The following CRADD variants were observed in gnomAD, a reference collection of about 807,000 sequenced individuals.
The protein encoded by CRADD is CARD and death domain containing adaptor protein, also known as death domain-containing protein CRADD.
Under a neutral mutation model 15.5 loss-of-function variants are expected in CRADD, and 9 were observed. That is an observed-to-expected ratio of 0.58 (90% CI 0.35 to 1.01). The LOEUF is 1.01. Among genes scored for constraint, CRADD ranks in the 50% least tolerant of loss-of-function variants. The pLI is 0.02. For synonymous variants in CRADD, 118 were observed against 107.6 expected (o/e 1.10, Z -0.60); for missense variants, 227 against 250.3 (o/e 0.91, Z 0.63).
chr12:93,742,403 G>A (rs937763839), intron 2 of CRADD, among the ~76,000 whole-genome samples: 16 of 150,532 alleles, frequency 1.1e-4, no homozygotes, highest in African/African-American at 3.4e-4. Context: ...GCCGCGCAGC[G>A]GGGCAGGGAG....
chr12:93,856,526 A>C (rs551291951), intron 2 of CRADD, among the ~76,000 whole-genome samples: 1 of 152,350 alleles, frequency 6.6e-6, no homozygotes, highest in African/African-American at 2.4e-5. Context: ...GAGCTTTTGT[A>C]AGTCCTGCCC....
chr12:93,738,194 T>C (rs1956610781), intron 2 of CRADD: 2 of 607,720 alleles, frequency 3.3e-6, no homozygotes, highest in African/African-American at 1.8e-5. Context: ...TGCTCATTTT[T>C]TGCAGGGTTA....
intron 2 of CRADD, among the ~76,000 whole-genome samples, chr12:93,712,083 A>ACT (rs1354582741): frequency 6.6e-6 from 1 of 151,476 alleles, no homozygotes; most frequent in East Asian, 1.9e-4. Context: ...TGCACTAGAC[A>ACT]CTCGCCCTCT....
chr12:93,866,305 C>G (rs903298067), intron 2 of CRADD, among the ~76,000 whole-genome samples: 2 of 151,740 alleles, frequency 1.3e-5, no homozygotes, highest in Non-Finnish European at 2.9e-5. Flanking sequence ...ATTTCCTTAC[C>G]CTTTCTCTCT....
chr12:93,851,005 C>T (rs577465965), downstream of CRADD, among the ~76,000 whole-genome samples: 3 of 152,256 alleles, frequency 2.0e-5, no homozygotes, highest in East Asian at 5.8e-4. Context: ...TTTAAAAGAT[C>T]GCTCGAGAAA....
rs534520487 is a variant in CRADD, at chr12:93,692,009, C to A, written c.298+12937C>A. Among the ~76,000 whole-genome samples the A allele has an allele frequency of 2.4e-4, 36 of 152,142 alleles. No homozygotes were observed. The South Asian group carries it at 7.3e-3, about 31-fold the overall frequency. On this transcript the variant is annotated intron_variant, in intron 2 of 2. Coordinates refer to ENST00000332896, the MANE Select transcript of CRADD (RefSeq NM_003805.5). ...GGCACACATTTACCTATGTAACAAA[C>A]CTGTATATCCTGCACATGTAGTCCA...
intron 2 of CRADD, among the ~76,000 whole-genome samples, chr12:93,829,828 G>C (rs532690041): frequency 1.3e-5 from 2 of 152,182 alleles, no homozygotes; most frequent in East Asian, 3.9e-4. Flanking sequence ...GAGTAGCTGG[G>C]ATTACAGGTG....
chr12:93,827,218 C>T (rs558531911), intron 2 of CRADD, among the ~76,000 whole-genome samples: 53 of 152,292 alleles, frequency 3.5e-4, no homozygotes, highest in African/African-American at 1.3e-3. Context: ...CTCTATAATT[C>T]CTTCTTCCCA....
intron 2 of CRADD, among the ~76,000 whole-genome samples, chr12:93,845,578 A>ATATTT (rs11474114): frequency 1.3e-3 from 97 of 77,372 alleles, no homozygotes; most frequent in African/African-American, 3.2e-3. Context: ...ATATATATAT[A>ATATTT]TTTTTAATAA....
chr12:93,787,791 C>T (rs1008575158), intron 2 of CRADD, among the ~76,000 whole-genome samples: 1 of 152,168 alleles, frequency 6.6e-6, no homozygotes, highest in African/African-American at 2.4e-5. Flanking sequence ...CTATTGACCT[C>T]ATTTGTTCAT....
rs573379876 is a variant in CRADD at position 93,886,452 on chromosome 12, C to T, written c.299-7598C>T. ...CTGGGATTACGGGTGTGAGCCACTG[C>T]GCCCAGCCTGCCTCTTGCTTCTTAC... On this transcript the variant is annotated intron_variant, in intron 2 of 2. Transcript: ENST00000548483. Among the ~76,000 whole-genome samples the T allele has an allele frequency of 5.9e-5, 9 of 152,218 alleles. No individual in the cohort carries two copies. The South Asian group carries it at 1.7e-3, about 28-fold the overall frequency.
Position 93,743,297 on chromosome 12 carries a change from A to G in CRADD, c.298+64225A>G, listed in dbSNP as rs996090965. ...TCTGCTTTTCGAAGCAGTCTATACCATTGCTGGAGAGCCGTAATTACTAGG... is the reference window on the plus strand; with the variant it reads ...TCTGCTTTTCGAAGCAGTCTATACCGTTGCTGGAGAGCCGTAATTACTAGG... On this transcript the variant is annotated intron_variant, in intron 2 of 2. Coordinates refer to ENST00000332896, the MANE Select transcript of CRADD (RefSeq NM_003805.5). 1.5e-4 allele frequency among the ~76,000 whole-genome samples: 23 copies of G among 152,134 alleles called. No homozygotes were observed. In the South Asian group the frequency reaches 2.5e-3, roughly 16 times the overall value.
chr12:93,697,319 C>T (rs1352920152), intron 2 of CRADD, among the ~76,000 whole-genome samples: 1 of 152,164 alleles, frequency 6.6e-6, no homozygotes, highest in Non-Finnish European at 1.5e-5. Context: ...TCTTGTTGCC[C>T]TTTGGCATTC....
At chr12:93,803,537 C>T (rs1010517697) in intron 2 of CRADD, among the ~76,000 whole-genome samples, 1 of 152,190 alleles carries the variant, frequency 6.6e-6, no homozygotes, top group Non-Finnish European at 1.5e-5. Flanking sequence ...TGGCATTAAG[C>T]GTCTTTAAAA....
rs35071454 is a variant in CRADD at position 93,824,421 on chromosome 12, T to TACACACAC, written c.299-25536_299-25529dup. Among the ~76,000 whole-genome samples, 8 of 150,474 alleles carry TACACACAC rather than the reference T, an allele frequency of 5.3e-5. No homozygotes were observed. The South Asian group carries it at 1.1e-3, about 20-fold the overall frequency. On this transcript the variant is annotated intron_variant, in intron 2 of 2. Coordinates refer to ENST00000332896, the MANE Select transcript of CRADD (RefSeq NM_003805.5). The surrounding 1 kb of genome is among the most constrained non-coding windows in gnomAD (Gnocchi z 4.3). ...ACACACACACACTCATACACACACATACACACACACACACACACACTACCA... is the reference window on the plus strand; with the variant it reads ...ACACACACACACTCATACACACACATACACACACACACACACACACACACACACTACCA...
intron 2 of CRADD, among the ~76,000 whole-genome samples, chr12:93,690,016 G>C (rs1955530139): frequency 6.6e-6 from 1 of 152,178 alleles, no homozygotes; most frequent in Non-Finnish European, 1.5e-5. Flanking sequence ...CATAAAAATA[G>C]GAATTTCTCT....
chr12:93,747,492 G>A (rs2136935388), intron 2 of CRADD, among the ~76,000 whole-genome samples: 2 of 138,810 alleles, frequency 1.4e-5, no homozygotes, highest in Middle Eastern at 7.4e-3. Context: ...ATGTAGTCTT[G>A]CTCTGTTGCC....
chr12:93,834,219 A>G (rs1409374050), intron 2 of CRADD, among the ~76,000 whole-genome samples: 3 of 152,342 alleles, frequency 2.0e-5, no homozygotes, highest in South Asian at 2.1e-4. Context: ...GTTTTTAACC[A>G]TAGATTACTT....
At chr12:93,883,465 A>T (rs1048498998) in intron 2 of CRADD, among the ~76,000 whole-genome samples, 2 of 152,080 alleles carry the variant, frequency 1.3e-5, no homozygotes, top group African/African-American at 4.8e-5. Context: ...GGTACCACAT[A>T]AGACATTAAG....
Sources: gnomAD v4.1 joint callset for allele counts (sites outside exome capture counted in the v4.1 genomes callset) on GRCh38, gnomAD v4.1.1 for gene constraint, Gnocchi (gnomAD v3.1) non-coding constraint, MANE v1.5 for transcripts, NCBI Gene and HGNC (gene_info 2026-07-23, HGNC 2026-07-21) for gene names.